Variants in SRD5A2 observed in about 807,000 individuals in gnomAD.
SRD5A2 encodes 3-oxo-5-alpha-steroid 4-dehydrogenase 2.
In SRD5A2, 30 loss-of-function variants were observed where a neutral mutation model predicts 27.4. That is an observed-to-expected ratio of 1.10 (90% CI 0.82 to 1.49). SRD5A2 has a LOEUF of 1.49. Among genes scored for constraint, SRD5A2 ranks in the 40% most tolerant of loss-of-function variants. SRD5A2 has a pLI of 0.00. For synonymous variants in SRD5A2, 141 were observed against 133.6 expected, an observed-to-expected ratio of 1.06 and a Z score of -0.38; for missense variants, 348 against 323.4, an observed-to-expected ratio of 1.08 and a Z score of -0.58.
At chr2:31,539,947 A>T (rs1033274026) in intron 1 of SRD5A2, among the ~76,000 whole-genome samples, 2 of 152,230 alleles carry the variant, frequency 1.3e-5, no homozygotes, top group African/African-American at 4.8e-5. Context: ...AGAAGGTCTC[A>T]AACTGAATTT....
At chr2:31,624,965 C>G in the SRD5A2 span, among the ~76,000 whole-genome samples, 19 of 152,164 alleles carry the variant, frequency 1.2e-4, no homozygotes, top group Non-Finnish European at 2.2e-4. Flanking sequence ...AACTAGTTTA[C>G]GCTCCCACCA....
chr2:31,529,898 A>T (rs1046544347), intron 3 of SRD5A2, among the ~76,000 whole-genome samples: 1 of 152,080 alleles, frequency 6.6e-6, no homozygotes, highest in Non-Finnish European at 1.5e-5. Context: ...AAATAATAAA[A>T]ATCTGAACTC....
At chr2:31,593,077 A>C in the SRD5A2 span, among the ~76,000 whole-genome samples, 1 of 152,070 alleles carries the variant, frequency 6.6e-6, no homozygotes, top group Non-Finnish European at 1.5e-5. Context: ...ACATGGACAC[A>C]GGAAGGGGAA....
chr2:31,545,339 G>C (rs1005611310), intron 1 of SRD5A2, among the ~76,000 whole-genome samples: 2 of 151,986 alleles, frequency 1.3e-5, no homozygotes, highest in African/African-American at 2.4e-5. Context: ...CAAAATACTA[G>C]CAAACCAAAT....
At chr2:31,625,741 C>G in the SRD5A2 span, among the ~76,000 whole-genome samples, 10 of 152,148 alleles carry the variant, frequency 6.6e-5, no homozygotes, top group Non-Finnish European at 1.3e-4. Flanking sequence ...GGTATCAGTA[C>G]AATGCTGTTT....
the SRD5A2 span, among the ~76,000 whole-genome samples, chr2:31,648,254 A>G: frequency 2.0e-5 from 3 of 152,250 alleles, no homozygotes; most frequent in South Asian, 2.1e-4. Flanking sequence ...AAGAATTAAA[A>G]TACTCATTTT....
the SRD5A2 span, among the ~76,000 whole-genome samples, chr2:31,594,481 A>T: frequency 6.6e-6 from 1 of 152,198 alleles, no homozygotes; most frequent in East Asian, 1.9e-4. Context: ...TGACAAAAAG[A>T]TTACTCCAAC....
At chr2:31,583,684 C>T (rs114777141), upstream of SRD5A2, among the ~76,000 whole-genome samples, 2,048 of 140,500 alleles carry the variant, frequency 0.015, 39 homozygotes, top group African/African-American at 0.034. Context: ...AACACCACTA[C>T]CCTGACTTCT....
At chr2:31,571,901 G>C (rs906834066) in intron 1 of SRD5A2, among the ~76,000 whole-genome samples, 1 of 152,130 alleles carries the variant, frequency 6.6e-6, no homozygotes, top group South Asian at 2.1e-4. Flanking sequence ...AAAAGGGAAC[G>C]CCTATACACT....
intron 1 of SRD5A2, among the ~76,000 whole-genome samples, chr2:31,561,607 G>C (rs1666626092): frequency 6.6e-6 from 1 of 152,066 alleles, no homozygotes; most frequent in African/African-American, 2.4e-5. Context: ...TGGTAATACT[G>C]GGAGACCTTG....
chr2:31,661,004 T>A, the SRD5A2 span, among the ~76,000 whole-genome samples: 1 of 152,096 alleles, frequency 6.6e-6, no homozygotes, highest in East Asian at 1.9e-4. Context: ...CACGAGGCCA[T>A]TGGCAACAGC....
chr2:31,534,040 G>A (rs527414523), intron 1 of SRD5A2, among the ~76,000 whole-genome samples: 1 of 152,056 alleles, frequency 6.6e-6, no homozygotes, highest in African/African-American at 2.4e-5. Flanking sequence ...CATGCAAAGT[G>A]GAATTATCAT....
chr2:31,660,110 T>G, the SRD5A2 span, among the ~76,000 whole-genome samples: 1 of 152,102 alleles, frequency 6.6e-6, no homozygotes, highest in African/African-American at 2.4e-5. Context: ...CTCTACTTAA[T>G]TAAAATACAA....
At chr2:31,529,880 C>A (rs939277797) in intron 3 of SRD5A2, among the ~76,000 whole-genome samples, 1 of 152,148 alleles carries the variant, frequency 6.6e-6, no homozygotes, top group Non-Finnish European at 1.5e-5. Context: ...AAACTGCACA[C>A]TACATTAAAA....
chr2:31,631,357 T>C, the SRD5A2 span, among the ~76,000 whole-genome samples: 11 of 151,870 alleles, frequency 7.2e-5, no homozygotes. Context: ...TAAGCAGAGG[T>C]CCATGGGTGT....
At chr2:31,572,094 G>C (rs1202888180) in intron 1 of SRD5A2, among the ~76,000 whole-genome samples, 1 of 152,138 alleles carries the variant, frequency 6.6e-6, no homozygotes, top group Non-Finnish European at 1.5e-5. Flanking sequence ...ATCCATCAAT[G>C]GTGGACTGGA....
chr2:31,657,869 A>G, the SRD5A2 span, among the ~76,000 whole-genome samples: 77 of 152,264 alleles, frequency 5.1e-4, no homozygotes, highest in Admixed American at 9.2e-4. Flanking sequence ...GAAGGAAATA[A>G]AAAGTCATCA....
Position 31,566,004 on chromosome 2 carries a change from A to C in SRD5A2, c.281+14616T>G, listed in dbSNP as rs370488867. Reference sequence around the variant, plus strand: ...GTAAGTTTAAAAGGATGTATGTCATACAAAGTATGCTCTCTATCCACAGTG... The same window carrying C: ...GTAAGTTTAAAAGGATGTATGTCATCCAAAGTATGCTCTCTATCCACAGTG... On this transcript the variant is annotated intron_variant, in intron 1 of 4. Coordinates refer to ENST00000622030, the MANE Select transcript of SRD5A2 (RefSeq NM_000348.4). Among the ~76,000 whole-genome samples, 63 of 152,242 alleles carry C rather than the reference A, an allele frequency of 4.1e-4. 1 individual carries two copies. The East Asian group carries it at 9.6e-3, about 23-fold the overall frequency.
At chr2:31,583,652 C>CAAAAAAAAAAAA (rs1352139998), upstream of SRD5A2, among the ~76,000 whole-genome samples, 4 of 20,922 alleles carry the variant, frequency 1.9e-4, no homozygotes, top group African/African-American at 2.7e-4. Context: ...AAAAAAAAAC[C>CAAAAAAAAAAAA]AAAAAAAAAG....
Sources: gnomAD v4.1 joint callset for allele counts (sites outside exome capture counted in the v4.1 genomes callset) on GRCh38, gnomAD v4.1.1 for gene constraint, MANE v1.5 for transcripts, NCBI Gene and HGNC (gene_info 2026-07-23, HGNC 2026-07-21) for gene names.